Variants in CSNK1G3 observed in about 807,000 individuals in gnomAD.
CSNK1G3 encodes the protein casein kinase I isoform gamma-3.
In CSNK1G3, 23 loss-of-function variants were observed where a neutral mutation model predicts 64.3. That is an observed-to-expected ratio of 0.36 (90% CI 0.26 to 0.51). The LOEUF (loss-of-function observed/expected upper bound fraction) is 0.51, where lower values mean the gene tolerates loss of function less well. CSNK1G3 is among the 20% of genes least tolerant of loss of function. The probability of loss-of-function intolerance (pLI) is 0.96; values close to 1 mark genes in which losing one functional copy is unlikely to be tolerated. For synonymous variants in CSNK1G3, 158 were observed against 162.2 expected, an observed-to-expected ratio of 0.97 and a Z score of 0.20; for missense variants, 357 against 510.5, an observed-to-expected ratio of 0.70 and a Z score of 2.90.
At chr5:123,565,538 C>G (rs1011443992) in intron 4 of CSNK1G3, among the ~76,000 whole-genome samples, 4 of 152,142 alleles carry the variant, frequency 2.6e-5, no homozygotes, top group African/African-American at 9.7e-5. Context: ...GTTTAAATTT[C>G]CTAATAAGTT....
intron 12 of CSNK1G3, among the ~76,000 whole-genome samples, chr5:123,609,903 G>A (rs1796019226): frequency 2.1e-5 from 1 of 48,348 alleles, no homozygotes; most frequent in African/African-American, 1.4e-4. Context: ...GAGAGGAAAA[G>A]GGCATGGCAT....
At chr5:123,580,602 T>A (rs931157485) in intron 6 of CSNK1G3, among the ~76,000 whole-genome samples, 1 of 151,948 alleles carries the variant, frequency 6.6e-6, no homozygotes, top group Admixed American at 6.6e-5. Flanking sequence ...CTTTCTTTAG[T>A]GTTGACATAT....
chr5:123,573,017 A>G (rs1445020345), intron 4 of CSNK1G3, among the ~76,000 whole-genome samples: 1 of 152,234 alleles, frequency 6.6e-6, no homozygotes, highest in Non-Finnish European at 1.5e-5. Context: ...TGGTTATTAA[A>G]GCCAGTAGTG....
rs562572254 is a variant in CSNK1G3 at position 123,592,265 on chromosome 5, G to C, written c.1086+851G>C. The stretch of plus-strand genomic sequence containing the variant: ...TATGAAGCAGAAGTTTAAAAATAGA[G>C]AATTTGAGGAATAGCAAGCGGTTCA... On this transcript the variant is annotated intron_variant, in intron 10 of 12. Coordinates refer to ENST00000345990, the Ensembl canonical transcript of CSNK1G3. 4.0e-5 allele frequency among the ~76,000 whole-genome samples: 6 copies of C among 151,820 alleles called. No individual in the cohort carries two copies. In the South Asian group the frequency reaches 8.3e-4, roughly 21 times the overall value.
chr5:123,559,048 A>T (rs903117224), intron 4 of CSNK1G3, among the ~76,000 whole-genome samples: 1 of 152,208 alleles, frequency 6.6e-6, no homozygotes, highest in African/African-American at 2.4e-5. Flanking sequence ...TTATGAAAGC[A>T]TCTCTTTCCT....
At chr5:123,534,816 T>C (rs932388904) in intron 1 of CSNK1G3, among the ~76,000 whole-genome samples, 1 of 152,128 alleles carries the variant, frequency 6.6e-6, no homozygotes, top group African/African-American at 2.4e-5. Context: ...GACTGCGAGA[T>C]AATGTTTGTG....
chr5:123,535,300 G>T (rs1247247431), intron 1 of CSNK1G3, among the ~76,000 whole-genome samples: 1 of 151,854 alleles, frequency 6.6e-6, no homozygotes, highest in Non-Finnish European at 1.5e-5. Context: ...TATCATTGTC[G>T]CATGTTATAA....
intron 10 of CSNK1G3, among the ~76,000 whole-genome samples, chr5:123,600,835 CACTT>C (rs1002733279): frequency 2.6e-5 from 4 of 151,446 alleles, no homozygotes; most frequent in African/African-American, 4.8e-5. Flanking sequence ...TTATGTCTCA[CACTT>C]GCTTGTGGGC....
intron 10 of CSNK1G3, among the ~76,000 whole-genome samples, chr5:123,602,061 A>G (rs1040665884): frequency 1.3e-5 from 2 of 152,218 alleles, no homozygotes; most frequent in African/African-American, 4.8e-5. Flanking sequence ...AGAGAAAAAT[A>G]AAGAGAAAAA....
chr5:123,602,078 A>T (rs1486069720), intron 10 of CSNK1G3, among the ~76,000 whole-genome samples: 1 of 152,198 alleles, frequency 6.6e-6, no homozygotes, highest in Non-Finnish European at 1.5e-5. Flanking sequence ...AAAAATTTAC[A>T]GTTCAATAGA....
intron 4 of CSNK1G3, among the ~76,000 whole-genome samples, chr5:123,570,350 T>C (rs945165290): frequency 4.7e-5 from 7 of 150,256 alleles, no homozygotes; most frequent in East Asian, 1.9e-4. Flanking sequence ...TCCTTTCTTT[T>C]TTTTTTTTTT....
intron 5 of CSNK1G3, among the ~76,000 whole-genome samples, chr5:123,574,831 A>C (rs1162355893): frequency 6.6e-6 from 1 of 152,116 alleles, no homozygotes; most frequent in Non-Finnish European, 1.5e-5. Flanking sequence ...CCCTGCCCCC[A>C]CACACAAAAC....
chr5:123,596,521 T>C (rs1402381608), intron 10 of CSNK1G3, among the ~76,000 whole-genome samples: 2 of 152,150 alleles, frequency 1.3e-5, no homozygotes, highest in African/African-American at 4.8e-5. Flanking sequence ...ATTTATTTTC[T>C]TAGCCTCTTC....
chr5:123,559,008 A>C (rs953442296), intron 4 of CSNK1G3, among the ~76,000 whole-genome samples: 3 of 152,168 alleles, frequency 2.0e-5, no homozygotes, highest in African/African-American at 7.2e-5. Context: ...GAGATTCTGG[A>C]GGTTGCCACC....
chr5:123,598,539 TA>T (rs996050385), intron 10 of CSNK1G3, among the ~76,000 whole-genome samples: 11 of 152,178 alleles, frequency 7.2e-5, no homozygotes, highest in Non-Finnish European at 1.5e-4. Flanking sequence ...CAGTGGGAGT[TA>T]ATCAACTGAA....
chr5:123,543,342 T>G (rs1237096097), intron 1 of CSNK1G3, among the ~76,000 whole-genome samples: 1 of 152,078 alleles, frequency 6.6e-6, no homozygotes, highest in African/African-American at 2.4e-5. Flanking sequence ...ATTAGTGAGG[T>G]TCTTCTGCTA....
chr5:123,547,112 A>T (rs548633025), intron 2 of CSNK1G3, among the ~76,000 whole-genome samples: 1 of 152,294 alleles, frequency 6.6e-6, no homozygotes, highest in African/African-American at 2.4e-5. Flanking sequence ...TACTTATTAC[A>T]TATTTATCAT....
chr5:123,603,081 C>T (rs115957031), intron 10 of CSNK1G3, among the ~76,000 whole-genome samples: 2,343 of 152,070 alleles, frequency 0.015, 58 homozygotes, highest in African/African-American at 0.054. Context: ...TCAGCTAGCG[C>T]CAAGTGATTT....
At chr5:123,573,998 T>C (rs937396547) in intron 5 of CSNK1G3, among the ~76,000 whole-genome samples, 1 of 151,924 alleles carries the variant, frequency 6.6e-6, no homozygotes, top group Non-Finnish European at 1.5e-5. Context: ...AACAGGTGCA[T>C]GCCACTACGC....
Sources: gnomAD v4.1 joint callset for allele counts (sites outside exome capture counted in the v4.1 genomes callset) on GRCh38, gnomAD v4.1.1 for gene constraint, MANE v1.5 for transcripts, NCBI Gene and HGNC (gene_info 2026-07-23, HGNC 2026-07-21) for gene names.